MYRIP: variants seen among roughly 807,000 people sequenced by gnomAD.
MYRIP encodes rab effector MyRIP.
A neutral mutation model predicts 98.0 loss-of-function variants in MYRIP; 49 were observed. That is an observed-to-expected ratio of 0.50 (90% CI 0.40 to 0.63). The LOEUF is 0.63. MYRIP is among the 30% of genes least tolerant of loss of function. The pLI, the probability that MYRIP is intolerant of heterozygous loss-of-function variation, is 0.00. For missense variants in MYRIP, 1,004 were observed against 1,058.2 expected (o/e 0.95, Z 0.71); for synonymous variants, 404 against 409.5 (o/e 0.99, Z 0.16).
At chr3:39,905,579 GTCTTTACC>G (rs529311663) in intron 2 of MYRIP, among the ~76,000 whole-genome samples, 3 of 152,236 alleles carry the variant, frequency 2.0e-5, no homozygotes, top group African/African-American at 7.2e-5. Context: ...TAGTGTCCCT[GTCTTTACC>G]TCTTTACCTC....
chr3:40,149,226 C>T (rs1010662967), intron 3 of MYRIP, among the ~76,000 whole-genome samples: 1 of 152,156 alleles, frequency 6.6e-6, no homozygotes, highest in African/African-American at 2.4e-5. Flanking sequence ...TGCAAGGGAG[C>T]CTGTGTGTCA....
At chr3:40,015,164 G>A (rs1225467747) in intron 2 of MYRIP, among the ~76,000 whole-genome samples, 1 of 152,200 alleles carries the variant, frequency 6.6e-6, no homozygotes, top group Non-Finnish European at 1.5e-5. Flanking sequence ...TTTTGTTCTT[G>A]CTGGTTCCTC....
At chr3:40,179,447 G>A (rs543988232) in intron 8 of MYRIP, among the ~76,000 whole-genome samples, 22 of 152,060 alleles carry the variant, frequency 1.4e-4, no homozygotes, top group Non-Finnish European at 2.2e-4. Flanking sequence ...GAGAATTTCC[G>A]TCCCATAAAA....
At chr3:39,818,781 T>C (rs1236671818) in intron 1 of MYRIP, among the ~76,000 whole-genome samples, 2 of 152,182 alleles carry the variant, frequency 1.3e-5, no homozygotes, top group African/African-American at 2.4e-5. Flanking sequence ...ATGTAAACTT[T>C]GAATTTGACC....
chr3:40,127,619 C>T (rs1211649809), intron 3 of MYRIP, among the ~76,000 whole-genome samples: 1 of 152,238 alleles, frequency 6.6e-6, no homozygotes, highest in African/African-American at 2.4e-5. Context: ...GATTTTCCCA[C>T]CCTTGTCTTT....
At chr3:39,994,812 C>T (rs756682529) in intron 2 of MYRIP, among the ~76,000 whole-genome samples, 1 of 152,196 alleles carries the variant, frequency 6.6e-6, no homozygotes. Flanking sequence ...TGACACCTCA[C>T]ACGACTGGGT....
chr3:39,831,903 T>A (rs1941461469), intron 1 of MYRIP, among the ~76,000 whole-genome samples: 1 of 152,206 alleles, frequency 6.6e-6, no homozygotes, highest in Non-Finnish European at 1.5e-5. Context: ...TCTGGGTTTC[T>A]CATGTATGTA....
intron 8 of MYRIP, among the ~76,000 whole-genome samples, chr3:40,177,714 T>C (rs923531276): frequency 6.6e-6 from 1 of 152,196 alleles, no homozygotes; most frequent in Admixed American, 6.5e-5. Context: ...GTGTTATAAC[T>C]CATTTCATGC....
At chr3:40,161,771 C>T (rs947749762) in intron 4 of MYRIP, among the ~76,000 whole-genome samples, 1 of 150,660 alleles carries the variant, frequency 6.6e-6, no homozygotes, top group Non-Finnish European at 1.5e-5. Flanking sequence ...TGCCCTTCCT[C>T]ACTCTACACT....
At position 39,842,084 on chromosome 3, in the gene MYRIP, C is replaced by G. The variant is rs149638846; in HGVS notation, c.-31+32168C>G. 4.3e-3 allele frequency among the ~76,000 whole-genome samples: 649 copies of G among 152,260 alleles called. 4 individuals carry two copies. Among genetic ancestry groups the G allele is most frequent in the Non-Finnish European group, 5.6e-3 (383 of 68,014 alleles). On this transcript the variant is annotated intron_variant, in intron 1 of 16. Coordinates refer to ENST00000302541, the MANE Select transcript of MYRIP (RefSeq NM_015460.4). ...CCGCCCCTCCCCCCAGGTGCTCTGTCCCAGGGAGATGAGAGTTTTATGTAT... is the reference window on the plus strand; with the variant it reads ...CCGCCCCTCCCCCCAGGTGCTCTGTGCCAGGGAGATGAGAGTTTTATGTAT...
intron 2 of MYRIP, among the ~76,000 whole-genome samples, chr3:39,964,041 A>C (rs974072937): frequency 2.6e-5 from 4 of 152,064 alleles, no homozygotes; most frequent in African/African-American, 9.7e-5. Flanking sequence ...TTAATATTTT[A>C]GATTTCTTTT....
intron 2 of MYRIP, among the ~76,000 whole-genome samples, chr3:40,030,371 C>T (rs367861116): frequency 1.8e-4 from 27 of 152,130 alleles, no homozygotes; most frequent in African/African-American, 6.0e-4. Context: ...TGGAGAAATT[C>T]GAACCCTCAC....
Position 40,078,000 on chromosome 3 carries a change from C to T in MYRIP, c.332+33729C>T, listed in dbSNP as rs561814762. Reference sequence around the variant, plus strand: ...GGGGGTGGCGCTCGTTGGGGAGGGTCGGCCACACAGGAGCCCATGGAGAGG... The same window carrying T: ...GGGGGTGGCGCTCGTTGGGGAGGGTTGGCCACACAGGAGCCCATGGAGAGG... On this transcript the variant is annotated intron_variant, in intron 3 of 16. Coordinates refer to ENST00000302541, the MANE Select transcript of MYRIP (RefSeq NM_015460.4). Among the ~76,000 whole-genome samples, 265 of 152,362 alleles carry T rather than the reference C, an allele frequency of 1.7e-3. 2 individuals carry two copies. The highest frequency in any genetic ancestry group is 6.2e-3 in the African/African-American group (259 of 41,590).
intron 2 of MYRIP, among the ~76,000 whole-genome samples, chr3:40,022,189 A>G (rs1947014460): frequency 6.6e-6 from 1 of 152,150 alleles, no homozygotes; most frequent in African/African-American, 2.4e-5. Flanking sequence ...CAGCCACATG[A>G]TTCAGGCCAA....
intron 2 of MYRIP, among the ~76,000 whole-genome samples, chr3:39,990,151 A>G (rs1946138837): frequency 6.6e-6 from 1 of 152,232 alleles, no homozygotes. Context: ...TGGATCTTCC[A>G]AACCATGGGT....
chr3:39,995,096 A>T (rs1031655936), intron 2 of MYRIP, among the ~76,000 whole-genome samples: 2 of 152,246 alleles, frequency 1.3e-5, no homozygotes, highest in African/African-American at 2.4e-5. Flanking sequence ...GGAAAAAAAC[A>T]GCAGAAAAAC....
rs535308491 is a variant in MYRIP, at chr3:39,952,530, A to G, written c.110+51604A>G. 2.4e-4 allele frequency among the ~76,000 whole-genome samples: 36 copies of G among 152,250 alleles called. 1 individual carries two copies. In the South Asian group the frequency reaches 6.8e-3, roughly 29 times the overall value. On this transcript the variant is annotated intron_variant, in intron 2 of 16. Transcript: ENST00000302541. ...CACTTAATCATGGTGTATAATTTGT[A>G]TGTATTTCTGGATTTGTTTTGTAAT...
chr3:39,958,020 A>T (rs1283228347), intron 2 of MYRIP, among the ~76,000 whole-genome samples: 1 of 152,234 alleles, frequency 6.6e-6, no homozygotes, highest in African/African-American at 2.4e-5. Context: ...GTGCTCCACG[A>T]AATAAAAGAG....
At position 39,828,249 on chromosome 3, in the gene MYRIP, A is replaced by G. The variant is rs528415893; in HGVS notation, c.-31+18333A>G. 7.0e-4 allele frequency among the ~76,000 whole-genome samples: 106 copies of G among 152,180 alleles called. 1 individual carries two copies. Among genetic ancestry groups the G allele is most frequent in the African/African-American group, 2.5e-3 (103 of 41,542 alleles). ...CTATTTATTTGCTTAGTGGTGTTCC[A>G]TAAATTCTGTAGGCCTTCTCCATCC... On this transcript the variant is annotated intron_variant, in intron 1 of 16. Transcript: ENST00000302541.
Sources: allele counts gnomAD v4.1 joint callset (sites outside exome capture counted in the v4.1 genomes callset), GRCh38; gene constraint gnomAD v4.1.1; transcripts MANE v1.5; gene names NCBI Gene and HGNC (gene_info 2026-07-23, HGNC 2026-07-21).